The following PRKCE variants were observed in gnomAD, a reference collection of about 807,000 sequenced individuals.
PRKCE encodes protein kinase C epsilon type.
In PRKCE, 16 loss-of-function variants were observed where a neutral mutation model predicts 85.4. The ratio of observed to expected loss-of-function variants is 0.19; its 90% CI spans 0.13 to 0.28. PRKCE has a LOEUF of 0.28. PRKCE is among the 10% of genes least tolerant of loss of function. PRKCE has a pLI of 1.00. For synonymous variants in PRKCE, 388 were observed against 371.5 expected, an observed-to-expected ratio of 1.04 and a Z score of -0.51; for missense variants, 573 against 975.2, an observed-to-expected ratio of 0.59 and a Z score of 5.49.
At chr2:45,664,831 C>A (rs1675837472) in intron 1 of PRKCE, among the ~76,000 whole-genome samples, 1 of 152,122 alleles carries the variant, frequency 6.6e-6, no homozygotes, top group Admixed American at 6.5e-5. Flanking sequence ...TTTTTCACAT[C>A]CCATTTTGTG....
At chr2:46,131,087 A>C (rs1321621781) in intron 11 of PRKCE, among the ~76,000 whole-genome samples, 1 of 152,226 alleles carries the variant, frequency 6.6e-6, no homozygotes, top group Non-Finnish European at 1.5e-5. Context: ...CCGGCTGGTG[A>C]CCACCAGCAA....
At chr2:45,684,520 T>C (rs1677143353) in intron 1 of PRKCE, among the ~76,000 whole-genome samples, 1 of 152,240 alleles carries the variant, frequency 6.6e-6, no homozygotes, top group South Asian at 2.1e-4. Flanking sequence ...CTCACTACAT[T>C]GAGAGGCATT....
At chr2:45,782,782 C>T (rs947693043) in intron 1 of PRKCE, among the ~76,000 whole-genome samples, 1 of 152,028 alleles carries the variant, frequency 6.6e-6, no homozygotes, top group Non-Finnish European at 1.5e-5. Context: ...CACACACACA[C>T]TCACACACAC....
At chr2:46,182,734 C>G (rs571185147) in intron 14 of PRKCE, among the ~76,000 whole-genome samples, 1 of 152,194 alleles carries the variant, frequency 6.6e-6, no homozygotes, top group Non-Finnish European at 1.5e-5. Flanking sequence ...AACAGTCCCC[C>G]GCGCAGCTCA....
chr2:45,752,025 G>C (rs532250295), intron 1 of PRKCE, among the ~76,000 whole-genome samples: 2 of 149,974 alleles, frequency 1.3e-5, no homozygotes, highest in East Asian at 3.9e-4. Context: ...CACCGTTTTA[G>C]CCGGGATGGT....
chr2:45,923,764 G>A (rs10179231), intron 2 of PRKCE, among the ~76,000 whole-genome samples: 1,989 of 152,296 alleles, frequency 0.013, 43 homozygotes, highest in African/African-American at 0.045. Flanking sequence ...TCCCTGGGGA[G>A]GGGGCTGGGA....
intron 2 of PRKCE, among the ~76,000 whole-genome samples, chr2:45,928,677 TGC>T (rs1394956929): frequency 6.6e-6 from 1 of 152,210 alleles, no homozygotes; most frequent in Non-Finnish European, 1.5e-5. Flanking sequence ...GAAGCGTCTT[TGC>T]TAGAATGGCA....
chr2:46,174,878 G>A (rs1351834578), intron 14 of PRKCE, among the ~76,000 whole-genome samples: 1 of 151,682 alleles, frequency 6.6e-6, no homozygotes, highest in East Asian at 1.9e-4. Flanking sequence ...TTTTGTAAAG[G>A]CAGGGTCTCA....
rs551417374 is a variant in PRKCE at position 45,712,130 on chromosome 2, G to T, written c.348+59682G>T. 2.6e-3 allele frequency among the ~76,000 whole-genome samples: 359 copies of T among 138,242 alleles called. 2 individuals are homozygous for T. The highest frequency in any genetic ancestry group is 4.2e-3 in the Non-Finnish European group (270 of 65,060). 90.7% of individuals were successfully genotyped at this position (138,242 alleles called of 152,430 possible). A position where few individuals can be genotyped will look rare whatever the true frequency, so the allele number is the denominator to read the frequency against. On this transcript the variant is annotated intron_variant, in intron 1 of 14. Transcript: ENST00000306156. ...ACAGTTGACCTCTTGCCACTCTACGGCCTGTCCTTTTTTTTTTTTTTTTTT... is the reference window on the plus strand; with the variant it reads ...ACAGTTGACCTCTTGCCACTCTACGTCCTGTCCTTTTTTTTTTTTTTTTTT...
At chr2:46,077,621 G>A (rs1032251897) in intron 10 of PRKCE, among the ~76,000 whole-genome samples, 5 of 152,194 alleles carry the variant, frequency 3.3e-5, no homozygotes, top group Non-Finnish European at 5.9e-5. Context: ...TGAAGGCCTA[G>A]TAGAATAAGG....
At chr2:45,681,345 G>C (rs902962173) in intron 1 of PRKCE, among the ~76,000 whole-genome samples, 5 of 132,382 alleles carry the variant, frequency 3.8e-5, no homozygotes, top group Non-Finnish European at 8.0e-5. Context: ...AATATAATAA[G>C]CCTCCTGGTG....
At position 46,106,648 on chromosome 2, in the gene PRKCE, C is replaced by A. The variant is rs116173205; in HGVS notation, c.1592+20286C>A. The stretch of plus-strand genomic sequence containing the variant: ...TTCCTGCTACCTCTTTGCATGGTCA[C>A]CCCTCTGTGCACATGCACACCTGGT... On this transcript the variant is annotated intron_variant, in intron 11 of 14. Transcript: ENST00000306156. Among the ~76,000 whole-genome samples, 990 of 152,356 alleles carry A rather than the reference C, an allele frequency of 6.5e-3. 7 individuals are homozygous for A. The highest frequency in any genetic ancestry group is 0.023 in the African/African-American group (963 of 41,584).
chr2:46,160,720 C>T (rs989384613), intron 14 of PRKCE, among the ~76,000 whole-genome samples: 1 of 152,202 alleles, frequency 6.6e-6, no homozygotes, highest in African/African-American at 2.4e-5. Flanking sequence ...TGAGCTCCTG[C>T]TCCCCTTCTC....
intron 1 of PRKCE, among the ~76,000 whole-genome samples, chr2:45,834,075 G>A (rs1690653316): frequency 6.6e-6 from 1 of 152,188 alleles, no homozygotes; most frequent in African/African-American, 2.4e-5. Flanking sequence ...CCAGCTCTCT[G>A]GGGCCATTTC....
intron 10 of PRKCE, among the ~76,000 whole-genome samples, chr2:46,056,695 G>C (rs1028394086): frequency 2.0e-5 from 3 of 152,146 alleles, no homozygotes; most frequent in Non-Finnish European, 4.4e-5. Flanking sequence ...GTCAAGCCTA[G>C]AGTTAGATTT....
In PRKCE at chr2:46,001,382, T is replaced by C; in HGVS notation, c.824-22T>C. 1 of 1,592,232 alleles carries C rather than the reference T, an allele frequency of 6.3e-7. No individual in the cohort carries two copies. ...CTTAGGCCATGAACACTTATCTGTC[T>C]TTTCTCCATGTCTCCTTACAGTCTG... On this transcript the variant is annotated intron_variant, in intron 6 of 14. Transcript: ENST00000306156. The surrounding 1 kb of genome is among the most constrained non-coding windows in gnomAD (Gnocchi z 4.4).
intron 10 of PRKCE, among the ~76,000 whole-genome samples, chr2:46,033,765 C>T (rs528241721): frequency 4.1e-4 from 62 of 152,186 alleles, no homozygotes; most frequent in East Asian, 7.7e-4. Flanking sequence ...AATCAGATGC[C>T]GGGCTGCTGG....
chr2:46,065,460 C>T (rs1260017948), intron 10 of PRKCE, among the ~76,000 whole-genome samples: 7 of 152,106 alleles, frequency 4.6e-5, no homozygotes, highest in Non-Finnish European at 7.4e-5. Flanking sequence ...CTCATTTGTC[C>T]GGTTAAGCTT....
chr2:45,656,775 C>T (rs1348711904), intron 1 of PRKCE, among the ~76,000 whole-genome samples: 1 of 152,220 alleles, frequency 6.6e-6, no homozygotes, highest in Non-Finnish European at 1.5e-5. Flanking sequence ...CCAGACCAGG[C>T]TTGCTTTGAG....
Sources: allele counts gnomAD v4.1 joint callset (sites outside exome capture counted in the v4.1 genomes callset), GRCh38; gene constraint gnomAD v4.1.1; non-coding constraint Gnocchi (gnomAD v3.1); transcripts MANE v1.5; gene names NCBI Gene and HGNC (gene_info 2026-07-23, HGNC 2026-07-21).